The following DCAF15 variants were observed in gnomAD, a reference collection of about 807,000 sequenced individuals.
The protein encoded by DCAF15 is DDB1 and CUL4 associated factor 15, also known as DDB1- and CUL4-associated factor 15.
Under a neutral mutation model 68.0 loss-of-function variants are expected in DCAF15, and 24 were observed. The ratio of observed to expected loss-of-function variants is 0.35; its 90% confidence interval spans 0.26 to 0.50. The LOEUF is 0.50. Ranked by LOEUF, DCAF15 falls within the 20% of genes least tolerant of loss-of-function variation. The pLI is 0.98. For missense variants in DCAF15, 627 were observed against 830.6 expected, an observed-to-expected ratio of 0.75 and a Z score of 3.01; for synonymous variants, 376 against 341.6, an observed-to-expected ratio of 1.10 and a Z score of -1.11.
chr19:13,954,296 G>T, intron 1 of DCAF15, 44 bp from the exon 2 acceptor site: 1 of 1,554,040 alleles, frequency 6.4e-7, no homozygotes, highest in Non-Finnish European at 8.9e-7. Context: ...GGGGGCTGGG[G>T]GCTGCAGATG....
Position 13,959,772 on chromosome 19 carries a change from G to A in DCAF15, c.1317G>A (p.Gln439=), listed in dbSNP as rs765083579. ...PMRERTAVQG[Q]YLTVEQLTLD... Reference sequence around the variant, plus strand: ...GCCTACCCACTCACCCGCAGGGCCAGTACCTGACAGTGGAGCAGCTCACAC... The same window carrying A: ...GCCTACCCACTCACCCGCAGGGCCAATACCTGACAGTGGAGCAGCTCACAC... The change falls in exon 9 of 13, where the codon CAG becomes CAA. Residue 439 remains glutamine, a synonymous_variant. Transcript: ENST00000254337. 1 of 1,613,826 alleles carries A rather than the reference G, an allele frequency of 6.2e-7. No individual in the cohort carries two copies. The highest frequency in any genetic ancestry group is 8.5e-7 in the Non-Finnish European group (1 of 1,179,986).
chr19:13,960,396 GGCA>G lies in DCAF15; in HGVS notation c.1631+7_1631+9del. The stretch of plus-strand genomic sequence containing the variant: ...TGAGGTCAAAGGGCAGACCAGGTGA[GGCA>G]GGGCTGGGGGGCAGGGTCAGGGCGC... On this transcript the variant is annotated splice_donor_region_variant and intron_variant, in intron 11 of 12. Coordinates refer to ENST00000254337, the MANE Select transcript of DCAF15 (RefSeq NM_138353.4). 1 of 1,613,788 alleles carries G rather than the reference GGCA, an allele frequency of 6.2e-7. No homozygotes were observed. Among genetic ancestry groups the G allele is most frequent in the Non-Finnish European group, 8.5e-7 (1 of 1,179,910 alleles).
intron 12 of DCAF15, 42 bp downstream of exon 12, chr19:13,960,622 C>T (rs1425789560): frequency 6.7e-7 from 1 of 1,501,308 alleles, no homozygotes; most frequent in Admixed American, 2.0e-5. Flanking sequence ...TCACCAGGAA[C>T]ACTTGTCCTC....
intron 6 of DCAF15, among the ~76,000 whole-genome samples, chr19:13,957,770 A>C (rs965529219): frequency 2.0e-5 from 3 of 152,114 alleles, no homozygotes; most frequent in Non-Finnish European, 2.9e-5. Context: ...TTAGCTGGGC[A>C]TGGTGGCACA....
At chr19:13,960,799 C>A in intron 12 of DCAF15, 141 bp from the exon 13 acceptor site, 1 of 1,088,156 alleles carries the variant, frequency 9.2e-7, no homozygotes, top group Non-Finnish European at 1.3e-6. Context: ...TATTGGGTAG[C>A]TGCAGGCTAG....
intron 1 of DCAF15, chr19:13,953,255 C>G (rs1001839602): frequency 3.1e-6 from 3 of 981,588 alleles, no homozygotes; most frequent in Non-Finnish European, 4.4e-6. Context: ...GATGATGTCT[C>G]TCTCCCCCAT....
chr19:13,958,711 G>A (rs1295393306), intron 6 of DCAF15, among the ~76,000 whole-genome samples: 1 of 152,138 alleles, frequency 6.6e-6, no homozygotes, highest in African/African-American at 2.4e-5. Context: ...GCAGATGTTA[G>A]GAGGCTGGAT....
At position 13,957,482 on chromosome 19, in the gene DCAF15, C is replaced by T. The variant is rs57058562; in HGVS notation, c.784+960C>T. Among the ~76,000 whole-genome samples, 773 of 151,918 alleles carry T rather than the reference C, an allele frequency of 5.1e-3. 10 individuals are homozygous for T. Among genetic ancestry groups the T allele is most frequent in the African/African-American group, 0.018 (734 of 41,412 alleles). On this transcript the variant is annotated intron_variant, in intron 6 of 12. Transcript: ENST00000254337. Reference sequence around the variant, plus strand: ...GATTGGGGAGCGACTTAGGAGGTGGCGAGGGGTTGGGGGCATCTGTGGAAC... The same window carrying T: ...GATTGGGGAGCGACTTAGGAGGTGGTGAGGGGTTGGGGGCATCTGTGGAAC...
intron 6 of DCAF15, among the ~76,000 whole-genome samples, chr19:13,957,200 GT>G (rs960638496): frequency 1.3e-5 from 2 of 152,342 alleles, no homozygotes; most frequent in African/African-American, 4.8e-5. Flanking sequence ...GGCATTATAT[GT>G]TTGATATCGG....
At chr19:13,953,949 C>G (rs570027022) in intron 1 of DCAF15, among the ~76,000 whole-genome samples, 219 of 152,198 alleles carry the variant, frequency 1.4e-3, no homozygotes, top group Non-Finnish European at 2.5e-3. Flanking sequence ...GGACTCTGTC[C>G]CAGCCTCCTT....
chr19:13,952,709 G>C, intron 1 of DCAF15, 65 bp downstream of exon 1: 1 of 1,303,316 alleles, frequency 7.7e-7, no homozygotes, highest in Non-Finnish European at 9.7e-7. Context: ...GGGAGGCGGA[G>C]GGAGGAGGGC....
rs117206519 is a variant in DCAF15 at position 13,960,043 on chromosome 19, G to A, written c.1500G>A (p.Pro500=). 1,635 of 1,613,690 alleles carry A rather than the reference G, an allele frequency of 1.0e-3. 31 individuals are homozygous for A. The East Asian group carries it at 0.029, about 29-fold the overall frequency. The change falls in exon 10 of 13, where the codon CCG becomes CCA. Residue 500 remains proline (P), a synonymous_variant. Transcript: ENST00000254337. ...TTGGCCTGCTGCTCCTGGCCTTCCC[G>A]TCCCCCACTGAGGAGGGCCAGCTCC... ...INIGLLLLAF[P]SPTEEGQLRP... is the part of the protein sequence containing the mutation.
At chr19:13,953,209 T>A (rs2145482165) in intron 1 of DCAF15, 1 of 1,397,944 alleles carries the variant, frequency 7.2e-7, no homozygotes, top group Non-Finnish European at 9.6e-7. Context: ...GCAGGCTCTG[T>A]CTCCTCCATC....
Position 13,961,386 on chromosome 19 carries a change from G to A in DCAF15, c.*391G>A, listed in dbSNP as rs1444241134. ...CGCCCCCAGCCTCCCCACCCAGGCC[G>A]GCAACCTGGCCATCCCCATTCCGTT... On this transcript the variant is annotated 3_prime_UTR_variant, in exon 13 of 13. Coordinates refer to ENST00000254337, the MANE Select transcript of DCAF15 (RefSeq NM_138353.4). 1.8e-5 allele frequency: 4 copies of A among 217,304 alleles called. No individual in the cohort carries two copies. Among genetic ancestry groups the A allele is most frequent in the East Asian group, 1.0e-4 (1 of 9,802 alleles). The allele number at this position is 217,304 out of a possible 1,614,324, so 13.5% of individuals were successfully genotyped here.
Position 13,959,161 on chromosome 19 carries a change from G to A in DCAF15, c.901G>A (p.Glu301Lys). ...CCCTGCCCTCCCCAGCTTCTGCCCT[G>A]AGGCGGCCCCAGCCCGTTCTTCTGG... ...LPPALPSFCP[E>K]AAPARSSGSP... Residue 301 changes from glutamate (E) to lysine (K), a missense_variant, in exon 7 of 13, where the codon GAG (glutamate) becomes AAG (lysine). By Grantham distance (56) the Glu-to-Lys change is moderately conservative. Coordinates refer to ENST00000254337, the MANE Select transcript of DCAF15 (RefSeq NM_138353.4). 1 of 1,612,478 alleles carries A rather than the reference G, an allele frequency of 6.2e-7. No homozygotes were observed. Among genetic ancestry groups the A allele is most frequent in the Non-Finnish European group, 8.5e-7 (1 of 1,179,830 alleles).
rs532603322 is a variant in DCAF15 at position 13,959,136 on chromosome 19, C to T, written c.876C>T (p.Pro292=). Residue 292 remains proline, a synonymous_variant, in exon 7 of 13, where the codon CCC becomes CCT. Coordinates refer to ENST00000254337, the MANE Select transcript of DCAF15 (RefSeq NM_138353.4). ...CTGAGCCCCAGAGCCCAGAGCTGCC[C>T]CCTGCCCTCCCCAGCTTCTGCCCTG... The part of the protein sequence containing the change: ...SPPEPQSPEL[P]PALPSFCPEA... 3.1e-6 allele frequency: 5 copies of T among 1,612,660 alleles called. No homozygotes were observed. In the South Asian group the frequency reaches 4.4e-5, roughly 14 times the overall value.
At position 13,954,345 on chromosome 19, in the gene DCAF15, C is replaced by T. The variant is rs143128164; in HGVS notation, c.138C>T (p.Ser46=). ...CCTGGCCACCCCTTCCCCAGATCAG[C>T]GGACAGCTCTCCCCTCGCCTCTTCC... ...VLKQLERVKI[S]GQLSPRLFRK... The change falls in exon 2 of 13, where the codon AGC becomes AGT. Residue 46 remains serine, a synonymous_variant. Transcript: ENST00000254337. 6.9e-4 allele frequency: 1,105 copies of T among 1,612,932 alleles called. 12 individuals carry two copies. The African/African-American group carries it at 0.012, about 18-fold the overall frequency.
intron 6 of DCAF15, among the ~76,000 whole-genome samples, chr19:13,958,732 T>C (rs1009125316): frequency 1.3e-5 from 2 of 152,138 alleles, no homozygotes; most frequent in African/African-American, 4.8e-5. Flanking sequence ...GCTACTGTAG[T>C]GAACACTCTA....
chr19:13,960,999 C>G lies in DCAF15; in HGVS notation c.*4C>G. The G allele has an allele frequency of 6.2e-7, 1 of 1,613,632 alleles. No homozygotes were observed. Among genetic ancestry groups the G allele is most frequent in the African/African-American group, 1.3e-5 (1 of 75,058 alleles). On this transcript the variant is annotated 3_prime_UTR_variant, in exon 13 of 13. Coordinates refer to ENST00000254337, the MANE Select transcript of DCAF15 (RefSeq NM_138353.4). ...ATATACGTGGATCGTGCTGTGAGGG[C>G]CAGGCCGCCCCGGACACTGACTCCA... is the stretch of plus-strand genomic sequence containing the variant.
Sources: allele counts gnomAD v4.1 joint callset (sites outside exome capture counted in the v4.1 genomes callset), GRCh38; gene constraint gnomAD v4.1.1; transcripts MANE v1.5; gene names NCBI Gene and HGNC (gene_info 2026-07-23, HGNC 2026-07-21).